Variants in ATP8A2 observed in about 807,000 individuals in gnomAD.
ATP8A2 encodes ATPase phospholipid transporting 8A2, also known as phospholipid-transporting ATPase IB.
Under a neutral mutation model 165.6 loss-of-function variants are expected in ATP8A2, and 100 were observed. That is an observed-to-expected ratio of 0.60 (90% CI 0.51 to 0.71). The LOEUF (loss-of-function observed/expected upper bound fraction) is 0.71. ATP8A2 is among the 30% of genes least tolerant of loss of function. The probability of loss-of-function intolerance (pLI) is 0.00; values close to 1 mark genes in which losing one functional copy is unlikely to be tolerated. For missense variants in ATP8A2, 1,227 were observed against 1,479.5 expected (o/e 0.83, Z 2.80); for synonymous variants, 543 against 548.8 (o/e 0.99, Z 0.15).
chr13:25,569,658 T>G (rs1448128798), intron 16 of ATP8A2, among the ~76,000 whole-genome samples: 1 of 152,156 alleles, frequency 6.6e-6, no homozygotes, highest in East Asian at 1.9e-4. Flanking sequence ...AGGGAAAACT[T>G]CTCATTTGTG....
At chr13:25,786,535 G>A (rs976264727) in intron 27 of ATP8A2, among the ~76,000 whole-genome samples, 2 of 152,104 alleles carry the variant, frequency 1.3e-5, no homozygotes, top group African/African-American at 2.4e-5. Flanking sequence ...ACTGCATGTT[G>A]TTTTAATAAT....
At chr13:25,375,476 T>C (rs1247349019) in intron 1 of ATP8A2, among the ~76,000 whole-genome samples, 1 of 152,172 alleles carries the variant, frequency 6.6e-6, no homozygotes, top group African/African-American at 2.4e-5. Flanking sequence ...ATCAGTGCTG[T>C]CTATGGCAGA....
At chr13:25,860,374 G>A in intron 31 of ATP8A2, 118 bp downstream of exon 31, 2 of 593,052 alleles carry the variant, frequency 3.4e-6, no homozygotes, top group Non-Finnish European at 3.0e-6. Context: ...TCTTCAAAAT[G>A]TATTTTATAT....
At position 25,970,772 on chromosome 13, in the gene ATP8A2, T is replaced by C. The variant is rs1200697662; in HGVS notation, c.3377+2093T>C. 2.6e-5 allele frequency among the ~76,000 whole-genome samples: 4 copies of C among 152,198 alleles called. No homozygotes were observed. The East Asian group carries it at 5.8e-4, about 22-fold the overall frequency. On this transcript the variant is annotated intron_variant, in intron 35 of 36. Transcript: ENST00000381655. ...ATGAGCTGTCGGCCTTGAATTGTAT[T>C]GAAGGAAGTCGTGGGCTGTCAGCCT... is the stretch of plus-strand genomic sequence containing the variant.
At chr13:25,612,449 G>T (rs957682712) in intron 24 of ATP8A2, among the ~76,000 whole-genome samples, 1 of 152,050 alleles carries the variant, frequency 6.6e-6, no homozygotes, top group East Asian at 1.9e-4. Context: ...GGTTTTGAGG[G>T]TTCCTTTTGA....
chr13:25,511,816 C>T (rs2037234108), intron 2 of ATP8A2, among the ~76,000 whole-genome samples: 1 of 151,206 alleles, frequency 6.6e-6, no homozygotes, highest in Non-Finnish European at 1.5e-5. Flanking sequence ...AATCAGAAAT[C>T]TTTGTTCTTA....
chr13:25,931,391 G>A (rs1394728773), intron 33 of ATP8A2, among the ~76,000 whole-genome samples: 1 of 152,164 alleles, frequency 6.6e-6, no homozygotes, highest in Non-Finnish European at 1.5e-5. Context: ...CTGGCCCCAA[G>A]CTTTTCAATT....
intron 35 of ATP8A2, among the ~76,000 whole-genome samples, chr13:26,008,053 A>G (rs891037882): frequency 6.6e-6 from 1 of 152,194 alleles, no homozygotes; most frequent in Non-Finnish European, 1.5e-5. Context: ...CAGGCTTCCC[A>G]ATGCTACATG....
chr13:25,912,155 GAC>G (rs3056187), intron 33 of ATP8A2, among the ~76,000 whole-genome samples: 87,497 of 141,026 alleles, frequency 0.62, 28,569 homozygotes, highest in Non-Finnish European at 0.75. Context: ...GAAAATGTGA[GAC>G]ACACACACAC....
chr13:25,517,266 AC>A (rs1250782689), intron 2 of ATP8A2: 1 of 151,972 alleles, frequency 6.6e-6, no homozygotes, highest in Non-Finnish European at 1.5e-5. Flanking sequence ...CTTGGGTAAA[AC>A]CTGCTTTTCA....
intron 2 of ATP8A2, among the ~76,000 whole-genome samples, chr13:25,526,829 A>G (rs975990621): frequency 6.6e-6 from 1 of 152,150 alleles, no homozygotes; most frequent in Non-Finnish European, 1.5e-5. Context: ...AGCACTCCCC[A>G]TGCTTCCTGT....
chr13:25,603,999 A>T (rs2040454689), intron 24 of ATP8A2, among the ~76,000 whole-genome samples: 1 of 152,188 alleles, frequency 6.6e-6, no homozygotes. Context: ...ACCAGGATTG[A>T]TAAGAGATAG....
intron 2 of ATP8A2, among the ~76,000 whole-genome samples, chr13:25,500,964 C>T (rs1265548626): frequency 5.3e-5 from 8 of 152,078 alleles, no homozygotes; most frequent in South Asian, 2.1e-4. Flanking sequence ...TTTATTTGTA[C>T]GCCTTATGTA....
chr13:25,491,662 G>C (rs2137645443), intron 2 of ATP8A2, among the ~76,000 whole-genome samples: 1 of 152,330 alleles, frequency 6.6e-6, no homozygotes, highest in Admixed American at 6.5e-5. Context: ...ATTTAAGATA[G>C]CAAAACAGAG....
intron 2 of ATP8A2, among the ~76,000 whole-genome samples, chr13:25,526,085 G>A (rs141892486): frequency 1.3e-5 from 2 of 151,824 alleles, no homozygotes; most frequent in Non-Finnish European, 2.9e-5. Flanking sequence ...CCTACTGACA[G>A]CCTCTAATGA....
chr13:25,890,797 A>G (rs146772984), intron 33 of ATP8A2, among the ~76,000 whole-genome samples: 4,062 of 152,336 alleles, frequency 0.027, 70 homozygotes, highest in Non-Finnish European at 0.044. Context: ...GCTTTTAAAA[A>G]CAAAGCTGTG....
intron 25 of ATP8A2, among the ~76,000 whole-genome samples, chr13:25,700,344 A>G (rs562261277): frequency 6.6e-6 from 1 of 152,310 alleles, no homozygotes; most frequent in Non-Finnish European, 1.5e-5. Flanking sequence ...AAATTATGTA[A>G]CCATCATCAC....
chr13:25,374,209 A>G (rs2032532602), intron 1 of ATP8A2, among the ~76,000 whole-genome samples: 1 of 152,288 alleles, frequency 6.6e-6, no homozygotes, highest in South Asian at 2.1e-4. Flanking sequence ...GGAGATGTTC[A>G]GGAAGGGGTG....
chr13:25,731,890 G>A (rs1019736611), intron 25 of ATP8A2, among the ~76,000 whole-genome samples: 10 of 152,188 alleles, frequency 6.6e-5, no homozygotes, highest in Admixed American at 1.3e-4. Flanking sequence ...GAAGGTCTTC[G>A]AAAGCTTAAG....
Sources: allele counts gnomAD v4.1 joint callset (sites outside exome capture counted in the v4.1 genomes callset), GRCh38; gene constraint gnomAD v4.1.1; transcripts MANE v1.5; gene names NCBI Gene and HGNC (gene_info 2026-07-23, HGNC 2026-07-21).